Variants in SENP7 observed in about 807,000 individuals in gnomAD.
The protein encoded by SENP7 is SUMO specific peptidase 7.
In SENP7, 64 loss-of-function variants were observed where a neutral mutation model predicts 141.2. The ratio of observed to expected loss-of-function variants is 0.45; its 90% CI spans 0.37 to 0.56. The LOEUF is 0.56. SENP7 is among the 20% of genes least tolerant of loss of function. SENP7 has a pLI of 0.00. For missense variants in SENP7, 1,025 were observed against 1,212.2 expected (o/e 0.85, Z 2.29); for synonymous variants, 382 against 426.4 (o/e 0.90, Z 1.28).
intron 5 of SENP7, among the ~76,000 whole-genome samples, 156 bp from the exon 6 acceptor site, chr3:101,399,211 T>C (rs2061061403): frequency 6.6e-6 from 1 of 152,216 alleles, no homozygotes; most frequent in African/African-American, 2.4e-5. Flanking sequence ...TACTTAAAAA[T>C]TTAGAAAAAC....
chr3:101,508,692 A>C (rs552204990), intron 1 of SENP7, among the ~76,000 whole-genome samples: 2 of 152,272 alleles, frequency 1.3e-5, no homozygotes, highest in East Asian at 3.9e-4. Context: ...CATTCTATAT[A>C]CTGTCTTCCT....
rs116416025 is a variant in SENP7 at position 101,448,459 on chromosome 3, C to T, written c.284+10496G>A. ...GACAATTCTCAAAATGACATACAAA[C>T]GACGAATTAGCTCCAGACCCTGTTT... On this transcript the variant is annotated intron_variant, in intron 4 of 23. Coordinates refer to ENST00000394095, the MANE Select transcript of SENP7 (RefSeq NM_020654.5). 3.5e-3 allele frequency among the ~76,000 whole-genome samples: 526 copies of T among 152,272 alleles called. 3 individuals carry two copies. The highest frequency in any genetic ancestry group is 0.012 in the African/African-American group (502 of 41,554).
intron 5 of SENP7, among the ~76,000 whole-genome samples, chr3:101,402,001 C>CAAAA (rs35310049): frequency 9.2e-6 from 1 of 108,802 alleles, no homozygotes; most frequent in Non-Finnish European, 1.9e-5. Flanking sequence ...GACCCTGCCT[C>CAAAA]AAAAAAAAAA....
Position 101,328,703 on chromosome 3 carries a change from A to C in SENP7, c.2752-14T>G. ...CGACTCGGTACTCTGAAATAACATA[A>C]ATTTTTATGACTGCAATTAAAGCTA... On this transcript the variant is annotated splice_polypyrimidine_tract_variant and intron_variant, in intron 20 of 23. Transcript: ENST00000394095. 2 of 1,591,024 alleles carry C rather than the reference A, an allele frequency of 1.3e-6. No individual in the cohort carries two copies. The highest frequency in any genetic ancestry group is 1.7e-6 in the Non-Finnish European group (2 of 1,162,438).
At chr3:101,418,034 A>G (rs2061677497) in intron 4 of SENP7, among the ~76,000 whole-genome samples, 1 of 152,178 alleles carries the variant, frequency 6.6e-6, no homozygotes, top group Admixed American at 6.5e-5. Flanking sequence ...ATCATTACAC[A>G]TGTACAGCTG....
intron 7 of SENP7, among the ~76,000 whole-genome samples, 167 bp downstream of exon 7, chr3:101,371,841 G>A (rs993305783): frequency 6.6e-6 from 1 of 151,958 alleles, no homozygotes; most frequent in Admixed American, 6.6e-5. Flanking sequence ...TGAGTACTAC[G>A]CTACATAAAG....
At position 101,416,504 on chromosome 3, in the gene SENP7, T is replaced by C. The variant is rs1249266264; in HGVS notation, c.482+1089A>G. On this transcript the variant is annotated intron_variant, in intron 5 of 23. Coordinates refer to ENST00000394095, the MANE Select transcript of SENP7 (RefSeq NM_020654.5). ...TTACATCTGTCAGTGCAGTAAGAGA[T>C]TAACCTGTACTGGGGAAGAAATCTG... Among the ~76,000 whole-genome samples, 2 of 152,306 alleles carry C rather than the reference T, an allele frequency of 1.3e-5. 1 individual carries two copies. Among genetic ancestry groups the C allele is most frequent in the South Asian group, 4.1e-4 (2 of 4,826 alleles).
At chr3:101,438,045 T>A (rs1464903872) in intron 4 of SENP7, among the ~76,000 whole-genome samples, 1 of 152,068 alleles carries the variant, frequency 6.6e-6, no homozygotes, top group Non-Finnish European at 1.5e-5. Flanking sequence ...AATACAGCAG[T>A]TGTTCAAGAA....
chr3:101,430,666 G>C (rs1165214312), intron 4 of SENP7, among the ~76,000 whole-genome samples: 2 of 151,972 alleles, frequency 1.3e-5, no homozygotes, highest in African/African-American at 4.8e-5. Context: ...TTTTTTGAAG[G>C]GTTTTTTGTG....
chr3:101,417,695 G>T lies in SENP7; in HGVS notation c.380C>A (p.Ala127Asp). 1 of 1,613,668 alleles carries T rather than the reference G, an allele frequency of 6.2e-7. No individual in the cohort carries two copies. The highest frequency in any genetic ancestry group is 2.2e-5 in the East Asian group (1 of 44,870). The part of the protein sequence containing the change: ...LPRNDANLCD[A>D]NKVQSDSLPS... ...CAATGAGTCTGATTGCACCTTGTTG[G>T]CATCACATAAATTAGCATCGTTTCT... The change falls in exon 5 of 24, where the codon GCC becomes GAC. Residue 127 changes from alanine (A) to aspartate (D), a missense_variant. Coordinates refer to ENST00000394095, the MANE Select transcript of SENP7 (RefSeq NM_020654.5).
intron 5 of SENP7, among the ~76,000 whole-genome samples, chr3:101,410,801 C>T (rs779476569): frequency 5.5e-5 from 8 of 145,244 alleles, no homozygotes; most frequent in East Asian, 2.0e-4. Context: ...GCAGAGACTG[C>T]GCCACTGCAC....
rs760135979 is a variant in SENP7 at position 101,458,983 on chromosome 3, G to C, written c.256C>G (p.Pro86Ala). The change falls in exon 4 of 24, where the codon CCT (proline) becomes GCT (alanine). Residue 86 changes from proline (P) to alanine (A), a missense_variant. This residue lies in a region of SENP7 where 496 missense variants were observed against 503.5 expected (regional missense o/e 0.99). Transcript: ENST00000394095. ...HKNKKHIRGCPVTSKSSPERQ... is the reference protein window; with the variant it reads ...HKNKKHIRGCAVTSKSSPERQ... ...TCTGGTGATGACTTGGAAGTAACAG[G>C]ACACCCTCGGATATGTTTTTTATTT... The C allele has an allele frequency of 2.5e-6, 4 of 1,609,004 alleles. No individual in the cohort carries two copies. In the African/African-American group the frequency reaches 5.4e-5, roughly 22 times the overall value.
At chr3:101,439,613 G>A (rs1014233372) in intron 4 of SENP7, among the ~76,000 whole-genome samples, 11 of 28,134 alleles carry the variant, frequency 3.9e-4, no homozygotes, top group African/African-American at 1.0e-3. Context: ...CTGCCCGGCC[G>A]CCCCTACTGG....
At position 101,324,977 on chromosome 3, in the gene SENP7, CAATG is replaced by C. The variant is rs1419164168; in HGVS notation, c.*962_*965del. 6.6e-6 allele frequency: 1 copy of C among 151,838 alleles called. No individual in the cohort carries two copies. Among genetic ancestry groups the C allele is most frequent in the African/African-American group, 2.4e-5 (1 of 41,356 alleles). The allele number at this position is 151,838 out of a possible 1,614,324, so 9.4% of individuals were successfully genotyped here. The stretch of plus-strand genomic sequence containing the variant: ...AAGCTACAATTTAAAAATATAAAAG[CAATG>C]AGAGCAATCTGGCTTTGCAGATGAA... On this transcript the variant is annotated 3_prime_UTR_variant, in exon 24 of 24. Transcript: ENST00000394095.
intron 5 of SENP7, among the ~76,000 whole-genome samples, chr3:101,408,898 T>G (rs188273607): frequency 6.6e-6 from 1 of 152,120 alleles, no homozygotes; most frequent in Admixed American, 6.5e-5. Flanking sequence ...CTCTCACCAC[T>G]CCTCTTCAAC....
chr3:101,349,617 T>C (rs796531154), intron 12 of SENP7, among the ~76,000 whole-genome samples: 2 of 152,096 alleles, frequency 1.3e-5, no homozygotes, highest in Non-Finnish European at 2.9e-5. Flanking sequence ...CATACCAACA[T>C]GGCACATGTA....
At position 101,341,788 on chromosome 3, in the gene SENP7, A is replaced by C. The variant is rs2059333676; in HGVS notation, c.2107-9T>G. 4.4e-6 allele frequency: 7 copies of C among 1,576,862 alleles called. No individual in the cohort carries two copies. The highest frequency in any genetic ancestry group is 6.1e-6 in the Non-Finnish European group (7 of 1,152,200). On this transcript the variant is annotated splice_polypyrimidine_tract_variant and intron_variant, in intron 14 of 23. Transcript: ENST00000394095. Reference sequence around the variant, plus strand: ...GCATCTGTGTTTGAGGGCTGACAGAAAGTGGCAAGAAAAAGGGTCTCAAAC... The same window carrying C: ...GCATCTGTGTTTGAGGGCTGACAGACAGTGGCAAGAAAAAGGGTCTCAAAC...
intron 6 of SENP7, among the ~76,000 whole-genome samples, chr3:101,384,878 G>A (rs145913309): frequency 3.3e-4 from 51 of 152,306 alleles, no homozygotes; most frequent in Non-Finnish European, 5.6e-4. Context: ...ATGCTGCTAT[G>A]CTTCCTGTAC....
chr3:101,357,689 G>A, intron 11 of SENP7: 1 of 719,732 alleles, frequency 1.4e-6, no homozygotes, highest in South Asian at 1.5e-5. Flanking sequence ...ATTTCAATGT[G>A]ATAAATATGT....
Sources: gnomAD v4.1 joint callset for allele counts (sites outside exome capture counted in the v4.1 genomes callset) on GRCh38, gnomAD v4.1.1 for gene constraint, gnomAD v4.1.1 regional missense constraint, MANE v1.5 for transcripts, NCBI Gene and HGNC (gene_info 2026-07-23, HGNC 2026-07-21) for gene names.